Variants in TBC1D5 observed in about 807,000 individuals in gnomAD.
The protein encoded by TBC1D5 is TBC1 domain family member 5.
TBC1D5 carries 75 observed loss-of-function variants against 100.3 expected under a neutral mutation model. The observed-to-expected ratio is 0.75, with a 90% CI of 0.62 to 0.91. The LOEUF (loss-of-function observed/expected upper bound fraction) is 0.91, where lower values mean the gene tolerates loss of function less well. TBC1D5 is among the 40% of genes least tolerant of loss of function. The probability of loss-of-function intolerance (pLI) is 0.00; values close to 1 mark genes in which losing one functional copy is unlikely to be tolerated. For missense variants in TBC1D5, 910 were observed against 942.4 expected, an observed-to-expected ratio of 0.97 and a Z score of 0.45; for synonymous variants, 323 against 325.6, an observed-to-expected ratio of 0.99 and a Z score of 0.09.
intron 13 of TBC1D5, among the ~76,000 whole-genome samples, chr3:17,327,864 C>G (rs1016236564): frequency 2.0e-5 from 3 of 151,928 alleles, no homozygotes; most frequent in African/African-American, 7.3e-5. Flanking sequence ...TAGAACAGTA[C>G]CTGGTATACA....
intron 3 of TBC1D5, among the ~76,000 whole-genome samples, chr3:17,466,183 G>A (rs1453494961): frequency 1.3e-5 from 2 of 152,166 alleles, no homozygotes; most frequent in Non-Finnish European, 2.9e-5. Context: ...ACCCATGGAA[G>A]AACACATCCC....
At chr3:17,560,279 A>C (rs2096550015) in intron 2 of TBC1D5, among the ~76,000 whole-genome samples, 1 of 152,214 alleles carries the variant, frequency 6.6e-6, no homozygotes. Flanking sequence ...CATATAAAGA[A>C]AAGAAAGGGC....
chr3:17,375,841 T>C (rs1300550914), intron 10 of TBC1D5, among the ~76,000 whole-genome samples: 1 of 152,214 alleles, frequency 6.6e-6, no homozygotes. Context: ...TGAAATGTTA[T>C]CTGCAAGTTT....
chr3:17,499,704 T>A (rs1206751066), intron 3 of TBC1D5, among the ~76,000 whole-genome samples: 1 of 147,344 alleles, frequency 6.8e-6, no homozygotes, highest in African/African-American at 2.6e-5. Flanking sequence ...AAAAAAAAAA[T>A]CTAAACCCTT....
intron 1 of TBC1D5, among the ~76,000 whole-genome samples, chr3:17,648,218 C>T (rs1560370325): frequency 6.6e-6 from 1 of 152,024 alleles, no homozygotes. Flanking sequence ...CAGATAAAAA[C>T]AAGCAATGGG....
chr3:17,619,141 TAAAACATAG>T (rs1435336866), intron 2 of TBC1D5, among the ~76,000 whole-genome samples: 1 of 152,160 alleles, frequency 6.6e-6, no homozygotes, highest in Non-Finnish European at 1.5e-5. Flanking sequence ...TAAACATTCT[TAAAACATAG>T]AAAAGTAGGA....
rs536474004 is a variant in TBC1D5, at chr3:17,371,699, C to T, written c.995+376G>A. On this transcript the variant is annotated intron_variant, in intron 13 of 21. Transcript: ENST00000253692. ...GGAACAGTTGTTATTTTTAAGGATC[C>T]GAGCACATAGAAATTTACATATCAT... is the stretch of plus-strand genomic sequence containing the variant. Among the ~76,000 whole-genome samples the T allele has an allele frequency of 5.9e-5, 9 of 152,144 alleles. No homozygotes were observed. The East Asian group carries it at 7.7e-4, about 13-fold the overall frequency.
At chr3:17,193,231 C>T (rs529474595) in intron 18 of TBC1D5, among the ~76,000 whole-genome samples, 11 of 152,326 alleles carry the variant, frequency 7.2e-5, no homozygotes, top group Middle Eastern at 3.4e-3. Context: ...ATCATTCAAA[C>T]CCCTTCTCTT....
At chr3:17,680,490 G>A (rs2069302929) in intron 1 of TBC1D5, among the ~76,000 whole-genome samples, 1 of 151,182 alleles carries the variant, frequency 6.6e-6, no homozygotes, top group Non-Finnish European at 1.5e-5. Flanking sequence ...GCCTCCCAGA[G>A]TGCTGGGACT....
Position 17,609,339 on chromosome 3 carries a change from G to C in TBC1D5, c.-36+14510C>G, listed in dbSNP as rs140058710. Among the ~76,000 whole-genome samples, 967 of 152,126 alleles carry C rather than the reference G, an allele frequency of 6.4e-3. 4 individuals are homozygous for C. Among genetic ancestry groups the C allele is most frequent in the African/African-American group, 0.021 (892 of 41,504 alleles). ...TTGTTATACAACTCCTGCCCTTTTA[G>C]AATTACAAAAAATGTTCTCTGAATG... is the stretch of plus-strand genomic sequence containing the variant. On this transcript the variant is annotated intron_variant, in intron 2 of 21. Transcript: ENST00000253692.
At chr3:17,650,134 G>C (rs1225220322) in intron 1 of TBC1D5, among the ~76,000 whole-genome samples, 1 of 151,948 alleles carries the variant, frequency 6.6e-6, no homozygotes, top group Non-Finnish European at 1.5e-5. Flanking sequence ...ACACACCGGG[G>C]CCTCTTGCGG....
chr3:17,286,788 CA>C (rs2081232838), intron 15 of TBC1D5, among the ~76,000 whole-genome samples: 4 of 152,182 alleles, frequency 2.6e-5, no homozygotes, highest in Admixed American at 2.6e-4. Context: ...ACAGCTCCTG[CA>C]TGGAAAGGTG....
chr3:17,314,744 A>C (rs1359096345), intron 13 of TBC1D5, among the ~76,000 whole-genome samples: 1 of 152,186 alleles, frequency 6.6e-6, no homozygotes, highest in Non-Finnish European at 1.5e-5. Flanking sequence ...TTTCCTGTCG[A>C]TATTTTGGCT....
intron 21 of TBC1D5, among the ~76,000 whole-genome samples, chr3:17,162,036 A>G (rs1209689734): frequency 6.6e-6 from 1 of 152,044 alleles, no homozygotes; most frequent in Non-Finnish European, 1.5e-5. Context: ...CTTACTTAAT[A>G]AAGTTAACAT....
intron 3 of TBC1D5, among the ~76,000 whole-genome samples, chr3:17,431,539 A>C (rs1237891327): frequency 6.6e-6 from 1 of 152,034 alleles, no homozygotes; most frequent in Non-Finnish European, 1.5e-5. Context: ...TATTTATAAC[A>C]TTGTACAACA....
At chr3:17,301,247 A>C (rs2082801186) in intron 14 of TBC1D5, among the ~76,000 whole-genome samples, 1 of 152,224 alleles carries the variant, frequency 6.6e-6, no homozygotes, top group African/African-American at 2.4e-5. Context: ...TAAAATAGAG[A>C]CCATGTTTTT....
chr3:17,530,659 G>C (rs2096209022), intron 2 of TBC1D5, among the ~76,000 whole-genome samples: 1 of 152,064 alleles, frequency 6.6e-6, no homozygotes, highest in African/African-American at 2.4e-5. Context: ...TTCATCCCTG[G>C]GATGCAAGGC....
intron 3 of TBC1D5, among the ~76,000 whole-genome samples, chr3:17,471,112 C>A (rs2095367866): frequency 6.6e-6 from 1 of 152,124 alleles, no homozygotes; most frequent in South Asian, 2.1e-4. Flanking sequence ...AAGCCTAAAA[C>A]CACTTTTCTG....
intron 9 of TBC1D5, among the ~76,000 whole-genome samples, chr3:17,378,447 T>C (rs1048331176): frequency 1.3e-5 from 2 of 151,934 alleles, no homozygotes; most frequent in African/African-American, 4.8e-5. Flanking sequence ...TTATAGTTTA[T>C]TTAAATGCTA....
Sources: gnomAD v4.1 joint callset for allele counts (sites outside exome capture counted in the v4.1 genomes callset) on GRCh38, gnomAD v4.1.1 for gene constraint, MANE v1.5 for transcripts, NCBI Gene and HGNC (gene_info 2026-07-23, HGNC 2026-07-21) for gene names.